POR: variants seen among roughly 807,000 people sequenced by gnomAD.
POR encodes the protein NADPH--cytochrome P450 reductase.
Under a neutral mutation model 84.0 loss-of-function variants are expected in POR, and 56 were observed. That is an observed-to-expected ratio of 0.67 (90% CI 0.54 to 0.83). The LOEUF (loss-of-function observed/expected upper bound fraction) is 0.83, where lower values mean the gene tolerates loss of function less well. Ranked by LOEUF, POR falls within the 40% of genes least tolerant of loss-of-function variation. POR has a pLI of 0.00. For synonymous variants in POR, 414 were observed against 400.5 expected, an observed-to-expected ratio of 1.03 and a Z score of -0.40; for missense variants, 938 against 944.3, an observed-to-expected ratio of 0.99 and a Z score of 0.09.
chr7:75,985,369 G>T, intron 12 of POR, 162 bp downstream of exon 12: 2 of 1,172,512 alleles, frequency 1.7e-6, no homozygotes, highest in South Asian at 3.3e-5. Flanking sequence ...GACTCAGTCG[G>T]GCTGGCTTGT....
chr7:75,945,400 CAAAG>C (rs1787131880), intron 1 of POR: 3 of 152,204 alleles, frequency 2.0e-5, no homozygotes, highest in African/African-American at 2.4e-5. Flanking sequence ...AAGGTAAACA[CAAAG>C]AAATCTGCAC....
rs370365556 is a variant in POR, at chr7:75,983,530, G to T, written c.841G>T (p.Ala281Ser). ...CTCCTCCCCACCCAGCCCCTTTGAT[G>T]CCAAGAATCCGTTCCTGGCTGCAGT... The change falls in exon 9 of 16, where the codon GCC (alanine) becomes TCC (serine). Residue 281 changes from alanine to serine, a missense_variant. Ala to Ser is a moderately conservative substitution (Grantham distance 99). Transcript: ENST00000461988. 10 of 1,612,554 alleles carry T rather than the reference G, an allele frequency of 6.2e-6. No homozygotes were observed. The highest frequency in any genetic ancestry group is 8.5e-6 in the Non-Finnish European group (10 of 1,179,642).
intron 2 of POR, among the ~76,000 whole-genome samples, chr7:75,969,857 G>A (rs1788352124): frequency 6.6e-6 from 1 of 152,214 alleles, no homozygotes; most frequent in South Asian, 2.1e-4. Context: ...CAGCCCCCAA[G>A]GTTATTCAAC....
rs190824722 is a variant in POR at position 75,974,558 on chromosome 7, G to A, written c.237+2097G>A. On this transcript the variant is annotated intron_variant, in intron 3 of 15. Transcript: ENST00000461988. Reference sequence around the variant, plus strand: ...TTTTTTTTTTTTGAGACAGGGTCTCGCTTTGTTGCCCAGGCTGGAGTGCAG... The same window carrying A: ...TTTTTTTTTTTTGAGACAGGGTCTCACTTTGTTGCCCAGGCTGGAGTGCAG... Among the ~76,000 whole-genome samples the A allele has an allele frequency of 6.9e-3, 831 of 119,580 alleles. 12 individuals carry two copies. The highest frequency in any genetic ancestry group is 0.027 in the African/African-American group (804 of 30,138). 78.4% of individuals were successfully genotyped at this position (119,580 alleles called of 152,430 possible).
chr7:75,960,176 A>G (rs1437103416), intron 2 of POR, among the ~76,000 whole-genome samples: 1 of 152,064 alleles, frequency 6.6e-6, no homozygotes, highest in African/African-American at 2.4e-5. Flanking sequence ...TTGTAGTCCC[A>G]GCTACTCAGG....
chr7:75,972,562 C>A, intron 3 of POR, 101 bp downstream of exon 3: 1 of 1,177,706 alleles, frequency 8.5e-7, no homozygotes, highest in Non-Finnish European at 1.2e-6. Flanking sequence ...TAGAGGATGT[C>A]CCGGTGGCCA....
intron 1 of POR, among the ~76,000 whole-genome samples, chr7:75,924,421 CTTATAATCTTAG>C (rs1807018957): frequency 1.3e-5 from 2 of 152,156 alleles, no homozygotes; most frequent in Admixed American, 1.3e-4. Context: ...GTGGCTCATG[CTTATAATCTTAG>C]CACTGTGGGA....
intron 2 of POR, among the ~76,000 whole-genome samples, chr7:75,959,591 G>T (rs1462181379): frequency 6.6e-6 from 1 of 152,202 alleles, no homozygotes; most frequent in Non-Finnish European, 1.5e-5. Flanking sequence ...AAGTTGCTGG[G>T]ATTACAGGCA....
In POR at chr7:75,984,976, C is replaced by T. The variant is rs1258073871; in HGVS notation, c.1248+18C>T. Reference sequence around the variant, plus strand: ...AGGGCAAGGTGCGCCCCCTCAGCCCCCGCAACCTCCGCCCCGTCACCCCGC... The same window carrying T: ...AGGGCAAGGTGCGCCCCCTCAGCCCTCGCAACCTCCGCCCCGTCACCCCGC... On this transcript the variant is annotated intron_variant, in intron 11 of 15. Transcript: ENST00000461988. 1 of 1,575,358 alleles carries T rather than the reference C, an allele frequency of 6.3e-7. No individual in the cohort carries two copies. The highest frequency in any genetic ancestry group is 8.6e-7 in the Non-Finnish European group (1 of 1,159,792).
At chr7:75,934,893 A>C (rs1807592117) in intron 1 of POR, among the ~76,000 whole-genome samples, 1 of 152,188 alleles carries the variant, frequency 6.6e-6, no homozygotes, top group Non-Finnish European at 1.5e-5. Context: ...CAGAGGATGT[A>C]TGGGAAAGCC....
intron 1 of POR, among the ~76,000 whole-genome samples, chr7:75,917,383 CTTTTTTT>C (rs373478392): frequency 2.6e-5 from 3 of 115,242 alleles, no homozygotes; most frequent in East Asian, 2.2e-4. Context: ...ATTTCTTCTT[CTTTTTTT>C]TTTTTTTTTT....
chr7:75,938,231 C>T (rs782112475), intron 1 of POR, among the ~76,000 whole-genome samples: 5 of 152,186 alleles, frequency 3.3e-5, no homozygotes, highest in Non-Finnish European at 2.9e-5. Flanking sequence ...CAGCTGGGAG[C>T]GTTTGGCCAT....
intron 3 of POR, among the ~76,000 whole-genome samples, chr7:75,973,243 TG>T (rs72563404): frequency 0.015 from 2,294 of 152,342 alleles, 23 homozygotes; most frequent in East Asian, 0.045. Context: ...TTATTATTTA[TG>T]GATCCTTCTA....
intron 1 of POR, chr7:75,923,202 C>A: frequency 2.7e-6 from 3 of 1,125,938 alleles, no homozygotes; most frequent in Non-Finnish European, 4.0e-6. Flanking sequence ...ATAAGACCAT[C>A]CCTCTGACAA....
chr7:75,919,101 C>T (rs940600899), intron 1 of POR, among the ~76,000 whole-genome samples: 1 of 151,562 alleles, frequency 6.6e-6, no homozygotes, highest in Non-Finnish European at 1.5e-5. Context: ...TGGGTTCAAG[C>T]AATTCTTGTG....
chr7:75,937,403 C>T (rs556241734), intron 1 of POR, among the ~76,000 whole-genome samples: 154 of 130,558 alleles, frequency 1.2e-3, no homozygotes, highest in Non-Finnish European at 1.5e-3. Flanking sequence ...ACCTGGGAGG[C>T]GGAGGTTGCA....
chr7:75,931,337 T>TTTTATTTATTTATTTA (rs140503871), intron 1 of POR, among the ~76,000 whole-genome samples: 9 of 142,872 alleles, frequency 6.3e-5, no homozygotes, highest in South Asian at 4.6e-4. Context: ...TATTGTGTGA[T>TTTTATTTATTTATTTA]TTTATTTATT....
intron 5 of POR, 106 bp downstream of exon 5, chr7:75,980,594 C>T (rs1218409034): frequency 6.2e-7 from 1 of 1,606,810 alleles, no homozygotes; most frequent in Admixed American, 1.7e-5. Context: ...CCCACCCTGT[C>T]CTCAGCAGCC....
At chr7:75,953,915 G>C in intron 1 of POR, 74 bp from the exon 2 acceptor site, 1 of 1,245,692 alleles carries the variant, frequency 8.0e-7, no homozygotes, top group Non-Finnish European at 1.1e-6. Context: ...CCAGCATTTA[G>C]GTGGGCACCC....
Sources: allele counts gnomAD v4.1 joint callset (sites outside exome capture counted in the v4.1 genomes callset), GRCh38; gene constraint gnomAD v4.1.1; transcripts MANE v1.5; gene names NCBI Gene and HGNC (gene_info 2026-07-23, HGNC 2026-07-21).